Variants in KHDRBS2 observed in about 807,000 individuals in gnomAD.
KHDRBS2 encodes KH domain-containing, RNA-binding, signal transduction-associated protein 2.
KHDRBS2 carries 26 observed loss-of-function variants against 44.3 expected under a neutral mutation model. The ratio of observed to expected loss-of-function variants is 0.59; its 90% CI spans 0.43 to 0.81. The LOEUF (loss-of-function observed/expected upper bound fraction) is 0.81. Ranked by LOEUF, KHDRBS2 falls within the 40% of genes least tolerant of loss-of-function variation. The probability of loss-of-function intolerance (pLI) is 0.00; values close to 1 mark genes in which losing one functional copy is unlikely to be tolerated. For missense variants in KHDRBS2, 476 were observed against 433.1 expected (o/e 1.10, Z -0.88); for synonymous variants, 194 against 151.1 (o/e 1.28, Z -2.08).
In KHDRBS2 at chr6:62,009,886, G is replaced by C. The variant is rs145776858; in HGVS notation, c.337-31674C>G. Among the ~76,000 whole-genome samples, 19 of 152,308 alleles carry C rather than the reference G, an allele frequency of 1.2e-4. No homozygotes were observed. The East Asian group carries it at 2.7e-3, about 22-fold the overall frequency. ...AGGCAGGAGTTTGCTGTAGGGGCAG[G>C]GTCCTCATGTAGAAGCTCTGCTAGG... On this transcript the variant is annotated intron_variant, in intron 3 of 8. Transcript: ENST00000281156.
rs369001486 is a variant in KHDRBS2 at position 61,698,633 on chromosome 6, C to A, written c.894-1380G>T. ...AATTCACAAATAGCTTCCCCATAGT[C>A]TTTAGGAGAAAAATAAAAAATTCTT... On this transcript the variant is annotated intron_variant, in intron 7 of 8. Transcript: ENST00000281156. 2.6e-5 allele frequency among the ~76,000 whole-genome samples: 4 copies of A among 152,138 alleles called. No individual in the cohort carries two copies. In the East Asian group the frequency reaches 7.8e-4, roughly 30 times the overall value.
chr6:61,911,702 A>G (rs1364940875), intron 4 of KHDRBS2, among the ~76,000 whole-genome samples: 1 of 152,100 alleles, frequency 6.6e-6, no homozygotes, highest in Non-Finnish European at 1.5e-5. Context: ...AAATTCTCCT[A>G]TATTTTTCCC....
chr6:62,087,888 T>C (rs1369988846), intron 2 of KHDRBS2, among the ~76,000 whole-genome samples: 2 of 152,196 alleles, frequency 1.3e-5, no homozygotes, highest in Non-Finnish European at 2.9e-5. Flanking sequence ...GCTTTGTTCA[T>C]TCCTTTTCAT....
chr6:61,605,132 G>A, the KHDRBS2 span, among the ~76,000 whole-genome samples: 21 of 152,196 alleles, frequency 1.4e-4, no homozygotes, highest in East Asian at 2.9e-3. Flanking sequence ...GCCTGTCCTC[G>A]GGATGCTACA....
intron 2 of KHDRBS2, among the ~76,000 whole-genome samples, chr6:62,066,015 A>G (rs544963785): frequency 1.3e-5 from 2 of 151,708 alleles, no homozygotes; most frequent in South Asian, 2.1e-4. Flanking sequence ...AATGTTTTTC[A>G]TCCTGTGTGG....
intron 6 of KHDRBS2, among the ~76,000 whole-genome samples, chr6:61,769,559 C>A (rs554504312): frequency 8.9e-4 from 135 of 152,326 alleles, no homozygotes; most frequent in African/African-American, 3.1e-3. Flanking sequence ...GAGGGTCCTA[C>A]TCCCATGGAG....
chr6:61,798,049 C>A (rs7744079), intron 6 of KHDRBS2, among the ~76,000 whole-genome samples: 29,343 of 151,822 alleles, frequency 0.19, 3,949 homozygotes, highest in African/African-American at 0.37. Flanking sequence ...GCCTGGATAT[C>A]TATTGTTACC....
chr6:62,062,843 G>C (rs1302959952), intron 2 of KHDRBS2, among the ~76,000 whole-genome samples: 1 of 147,698 alleles, frequency 6.8e-6, no homozygotes, highest in Non-Finnish European at 1.5e-5. Flanking sequence ...TCCAGGAGCT[G>C]GTTTTTTGAA....
At chr6:62,063,566 A>T (rs1219372707) in intron 2 of KHDRBS2, among the ~76,000 whole-genome samples, 5 of 151,884 alleles carry the variant, frequency 3.3e-5, no homozygotes, top group Admixed American at 1.3e-4. Flanking sequence ...AAAGCCTTTG[A>T]CAAAATTCAA....
rs1411537328 is a variant in KHDRBS2, at chr6:62,207,651, TACA to T, written c.92-30342_92-30340del. Reference sequence around the variant, plus strand: ...CTCTTTACTGTTAGCTAAGTGATATTACAACAGGATAAGCTGCCTTTGACATCT... The same window carrying T: ...CTCTTTACTGTTAGCTAAGTGATATTACAGGATAAGCTGCCTTTGACATCT... On this transcript the variant is annotated intron_variant, in intron 1 of 8. Transcript: ENST00000281156. 6.6e-5 allele frequency among the ~76,000 whole-genome samples: 10 copies of T among 152,290 alleles called. No individual in the cohort carries two copies. In the South Asian group the frequency reaches 1.9e-3, roughly 28 times the overall value.
intron 3 of KHDRBS2, among the ~76,000 whole-genome samples, chr6:62,006,660 T>G (rs1159008150): frequency 1.3e-5 from 2 of 152,066 alleles, no homozygotes; most frequent in African/African-American, 4.8e-5. Flanking sequence ...CTGATCCGCT[T>G]TATCCTATAC....
At chr6:62,051,289 G>T (rs1302631911) in intron 2 of KHDRBS2, among the ~76,000 whole-genome samples, 1 of 151,938 alleles carries the variant, frequency 6.6e-6, no homozygotes, top group Non-Finnish European at 1.5e-5. Flanking sequence ...CAAAATGAAA[G>T]AATAAAAACT....
At chr6:61,898,571 T>A (rs1803358550) in intron 5 of KHDRBS2, among the ~76,000 whole-genome samples, 1 of 151,976 alleles carries the variant, frequency 6.6e-6, no homozygotes, top group Admixed American at 6.6e-5. Flanking sequence ...CTATGCCATG[T>A]ATGTCAAGAA....
At chr6:62,123,054 C>T (rs1372679620) in intron 2 of KHDRBS2, among the ~76,000 whole-genome samples, 2 of 151,974 alleles carry the variant, frequency 1.3e-5, no homozygotes, top group African/African-American at 4.8e-5. Context: ...TCCCCTAGAC[C>T]CCCAACCCCC....
intron 4 of KHDRBS2, among the ~76,000 whole-genome samples, chr6:61,952,463 T>C (rs1764960246): frequency 6.6e-6 from 1 of 152,096 alleles, no homozygotes; most frequent in Non-Finnish European, 1.5e-5. Flanking sequence ...CTGAGTGCAC[T>C]GAACATAAAT....
At position 61,706,628 on chromosome 6, in the gene KHDRBS2, C is replaced by A. The variant is rs1193031623; in HGVS notation, c.894-9375G>T. Reference sequence around the variant, plus strand: ...TAGACAATTGTGATCACATAAAAATCATTACATAATTCAATAAGTATTTAG... The same window carrying A: ...TAGACAATTGTGATCACATAAAAATAATTACATAATTCAATAAGTATTTAG... On this transcript the variant is annotated intron_variant, in intron 7 of 8. Transcript: ENST00000281156. 2.0e-5 allele frequency among the ~76,000 whole-genome samples: 3 copies of A among 151,708 alleles called. No homozygotes were observed. The East Asian group carries it at 5.8e-4, about 29-fold the overall frequency.
the KHDRBS2 span, chr6:61,659,116 C>T: frequency 6.6e-6 from 1 of 151,820 alleles, no homozygotes; most frequent in Non-Finnish European, 1.5e-5. Flanking sequence ...GTTAAACTTA[C>T]ATTGGTTCAA....
chr6:61,851,200 T>G (rs551692638), intron 6 of KHDRBS2, among the ~76,000 whole-genome samples: 1 of 151,876 alleles, frequency 6.6e-6, no homozygotes, highest in Admixed American at 6.6e-5. Flanking sequence ...GAGAAAAAAA[T>G]ATATATATAC....
At chr6:61,751,506 G>C (rs1183347309) in intron 6 of KHDRBS2, among the ~76,000 whole-genome samples, 2 of 152,142 alleles carry the variant, frequency 1.3e-5, no homozygotes, top group Non-Finnish European at 2.9e-5. Context: ...AGGGGACAAG[G>C]CCATCTGCTA....
Sources: gnomAD v4.1 joint callset for allele counts (sites outside exome capture counted in the v4.1 genomes callset) on GRCh38, gnomAD v4.1.1 for gene constraint, MANE v1.5 for transcripts, NCBI Gene and HGNC (gene_info 2026-07-23, HGNC 2026-07-21) for gene names.